The following CTNNA3 variants were observed in gnomAD, a reference collection of about 807,000 sequenced individuals.
CTNNA3 encodes the protein catenin alpha-3.
CTNNA3 carries 76 observed loss-of-function variants against 95.7 expected under a neutral mutation model. The ratio of observed to expected loss-of-function variants is 0.79; its 90% CI spans 0.66 to 0.96. CTNNA3 has a LOEUF of 0.96. CTNNA3 is among the 40% of genes least tolerant of loss of function. The probability of loss-of-function intolerance (pLI) is 0.00; values close to 1 mark genes in which losing one functional copy is unlikely to be tolerated. For synonymous variants in CTNNA3, 431 were observed against 374.4 expected, an observed-to-expected ratio of 1.15 and a Z score of -1.74; for missense variants, 1,191 against 1,089.8, an observed-to-expected ratio of 1.09 and a Z score of -1.31.
At chr10:66,023,050 C>A (rs1328147544) in intron 15 of CTNNA3, among the ~76,000 whole-genome samples, 1 of 151,860 alleles carries the variant, frequency 6.6e-6, no homozygotes, top group Admixed American at 6.6e-5. Flanking sequence ...GTGTTTGCTT[C>A]CTTGCTAGAA....
intron 10 of CTNNA3, among the ~76,000 whole-genome samples, chr10:66,569,240 A>G (rs1842797665): frequency 6.6e-6 from 1 of 152,108 alleles, no homozygotes; most frequent in African/African-American, 2.4e-5. Context: ...TATTCAGCCA[A>G]TATTTCTTAG....
Position 66,199,794 on chromosome 10 carries a change from T to TAC in CTNNA3, c.1884+80675_1884+80676insGT, listed in dbSNP as rs2087243163. ...ATATATATATATATATATATATATATATATATATATATTTTTTTTTTTTTT... is the reference window on the plus strand; with the variant it reads ...ATATATATATATATATATATATATATACATATATATATATTTTTTTTTTTTTT... On this transcript the variant is annotated intron_variant, in intron 13 of 17. Coordinates refer to ENST00000433211, the MANE Select transcript of CTNNA3 (RefSeq NM_013266.4). Among the ~76,000 whole-genome samples the TAC allele has an allele frequency of 2.5e-4, 4 of 16,108 alleles. 1 individual carries two copies. The highest frequency in any genetic ancestry group is 5.0e-4 in the Non-Finnish European group (4 of 7,970). The allele number at this position is 16,108 out of a possible 152,430, so 10.6% of individuals were successfully genotyped here.
At chr10:67,636,591 T>C (rs1839319987) in intron 2 of CTNNA3, among the ~76,000 whole-genome samples, 2 of 152,158 alleles carry the variant, frequency 1.3e-5, no homozygotes, top group African/African-American at 2.4e-5. Flanking sequence ...ATTTAATAAA[T>C]AGTGCTGGGA....
In CTNNA3 at chr10:66,577,304, T is replaced by C. The variant is rs116116645; in HGVS notation, c.1374+44388A>G. On this transcript the variant is annotated intron_variant, in intron 10 of 17. Coordinates refer to ENST00000433211, the MANE Select transcript of CTNNA3 (RefSeq NM_013266.4). ...CTGTTTATTCTATTGATAGTTTCTT[T>C]TATTGTGCAAAAGCTCTTTAAGTTA... Among the ~76,000 whole-genome samples the C allele has an allele frequency of 4.5e-3, 678 of 152,226 alleles. 6 individuals are homozygous for C. The highest frequency in any genetic ancestry group is 0.016 in the African/African-American group (647 of 41,540).
intron 11 of CTNNA3, among the ~76,000 whole-genome samples, chr10:66,442,585 A>C (rs943432281): frequency 3.3e-5 from 5 of 152,226 alleles, no homozygotes; most frequent in African/African-American, 1.2e-4. Flanking sequence ...GCACCAAAGA[A>C]AGTTGCATTG....
intron 13 of CTNNA3, among the ~76,000 whole-genome samples, chr10:66,231,869 T>G (rs954817873): frequency 1.2e-4 from 19 of 152,138 alleles, no homozygotes; most frequent in African/African-American, 3.9e-4. Context: ...CCCCATTCTC[T>G]CTCTACTCCT....
chr10:67,531,928 T>A (rs1171839153), intron 4 of CTNNA3, among the ~76,000 whole-genome samples: 1 of 151,228 alleles, frequency 6.6e-6, no homozygotes, highest in African/African-American at 2.4e-5. Context: ...AAAACAGGAG[T>A]TTCCCTCCAC....
intron 11 of CTNNA3, among the ~76,000 whole-genome samples, chr10:66,482,475 G>A (rs1565005758): frequency 6.6e-6 from 1 of 152,002 alleles, no homozygotes; most frequent in Non-Finnish European, 1.5e-5. Flanking sequence ...CAAAGCTTAG[G>A]GGAATTTCAG....
At chr10:67,186,327 T>C (rs1036769818) in intron 6 of CTNNA3, among the ~76,000 whole-genome samples, 3 of 152,220 alleles carry the variant, frequency 2.0e-5, no homozygotes, top group African/African-American at 7.2e-5. Context: ...TAGCCTATAT[T>C]GTAGAATTAA....
chr10:66,854,082 C>T (rs1285229755), intron 7 of CTNNA3, among the ~76,000 whole-genome samples: 2 of 152,044 alleles, frequency 1.3e-5, no homozygotes, highest in Non-Finnish European at 2.9e-5. Context: ...CAGAGAAATG[C>T]CCTCATTTCT....
intron 11 of CTNNA3, among the ~76,000 whole-genome samples, chr10:66,500,914 G>A (rs1840257552): frequency 6.6e-6 from 1 of 152,090 alleles, no homozygotes; most frequent in Admixed American, 6.6e-5. Flanking sequence ...ATTTTATGAA[G>A]TGTCAAATAT....
intron 11 of CTNNA3, among the ~76,000 whole-genome samples, chr10:66,411,245 T>C (rs1435697540): frequency 1.3e-5 from 2 of 149,538 alleles, no homozygotes; most frequent in East Asian, 3.9e-4. Context: ...ATTCTTAAAG[T>C]ATAGACCAGA....
chr10:67,419,213 AC>A (rs2132862073), intron 5 of CTNNA3, among the ~76,000 whole-genome samples: 1 of 152,314 alleles, frequency 6.6e-6, no homozygotes, highest in East Asian at 1.9e-4. Context: ...CACTTAAAAA[AC>A]AAAAAATGGA....
At chr10:67,437,893 G>A (rs959110203) in intron 5 of CTNNA3, among the ~76,000 whole-genome samples, 9 of 151,562 alleles carry the variant, frequency 5.9e-5, no homozygotes, top group Admixed American at 4.6e-4. Flanking sequence ...GAATTTGAAA[G>A]GGCAACAAAT....
chr10:66,443,226 G>C (rs746396411), intron 11 of CTNNA3, among the ~76,000 whole-genome samples: 1 of 152,154 alleles, frequency 6.6e-6, no homozygotes, highest in Non-Finnish European at 1.5e-5. Flanking sequence ...CTCCACCTCT[G>C]GGGGCAGGGC....
chr10:67,757,200 A>G (rs1328417367), intron 1 of CTNNA3, among the ~76,000 whole-genome samples: 2 of 152,250 alleles, frequency 1.3e-5, no homozygotes, highest in East Asian at 3.8e-4. Flanking sequence ...GCTGTATGAC[A>G]AACTATCCCT....
intron 1 of CTNNA3, among the ~76,000 whole-genome samples, chr10:67,648,188 T>C (rs184762827): frequency 3.9e-5 from 6 of 152,328 alleles, no homozygotes; most frequent in African/African-American, 1.4e-4. Context: ...GGCATTAACG[T>C]TATCCTTAAA....
At chr10:67,049,267 A>C (rs1854944155) in intron 7 of CTNNA3, among the ~76,000 whole-genome samples, 1 of 152,110 alleles carries the variant, frequency 6.6e-6, no homozygotes, top group South Asian at 2.1e-4. Context: ...CTGATAAGGT[A>C]AGAGGTCTAT....
intron 1 of CTNNA3, among the ~76,000 whole-genome samples, chr10:67,692,226 C>T (rs528560086): frequency 2.4e-3 from 361 of 150,288 alleles, no homozygotes; most frequent in Admixed American, 3.9e-3. Flanking sequence ...GCCACCACCC[C>T]GTCTGGGAGG....
Sources: allele counts gnomAD v4.1 joint callset (sites outside exome capture counted in the v4.1 genomes callset), GRCh38; gene constraint gnomAD v4.1.1; transcripts MANE v1.5; gene names NCBI Gene and HGNC (gene_info 2026-07-23, HGNC 2026-07-21).